Variants in KIRREL3 observed in about 807,000 individuals in gnomAD.
KIRREL3 encodes kin of IRRE-like protein 3.
Under a neutral mutation model 89.7 loss-of-function variants are expected in KIRREL3, and 36 were observed. That is an observed-to-expected ratio of 0.40 (90% CI 0.31 to 0.53). The LOEUF is 0.53. KIRREL3 is among the 20% of genes least tolerant of loss of function. KIRREL3 has a pLI of 0.49. For missense variants in KIRREL3, 864 were observed against 1,056.6 expected (o/e 0.82, Z 2.53); for synonymous variants, 445 against 441.4 (o/e 1.01, Z -0.10).
At chr11:126,941,803 G>A (rs1245704848) in intron 1 of KIRREL3, among the ~76,000 whole-genome samples, 1 of 152,226 alleles carries the variant, frequency 6.6e-6, no homozygotes, top group African/African-American at 2.4e-5. Context: ...ATCTATCTCA[G>A]TGTAACTAAC....
rs973651987 is a variant in KIRREL3 at position 126,904,404 on chromosome 11, G to T, written c.55+96051C>A. Reference sequence around the variant, plus strand: ...TTTACTGCATCTCTGACTGCAATAAGACTGATCACTAGTGGGGATAGTGCA... The same window carrying T: ...TTTACTGCATCTCTGACTGCAATAATACTGATCACTAGTGGGGATAGTGCA... On this transcript the variant is annotated intron_variant, in intron 1 of 16. Transcript: ENST00000525144. The surrounding 1 kb of genome is among the most constrained non-coding windows in gnomAD (Gnocchi z 4.4). 3.3e-5 allele frequency among the ~76,000 whole-genome samples: 5 copies of T among 152,168 alleles called. No individual in the cohort carries two copies. The highest frequency in any genetic ancestry group is 1.2e-4 in the African/African-American group (5 of 41,448).
Position 126,576,856 on chromosome 11 carries a change from G to A in KIRREL3, c.56-13944C>T, listed in dbSNP as rs1291736851. ...GAATGCAGAAGGAAGGACAAGAGAT[G>A]AGCCTTTACTGAGATGCTGCTATCT... On this transcript the variant is annotated intron_variant, in intron 1 of 16. Transcript: ENST00000525144. This position sits in a 1 kb window ranked among gnomAD's most constrained non-coding sequence, Gnocchi z 5.4. Among the ~76,000 whole-genome samples the A allele has an allele frequency of 1.3e-5, 2 of 152,214 alleles. No homozygotes were observed. The highest frequency in any genetic ancestry group is 2.4e-5 in the African/African-American group (1 of 41,460).
chr11:126,783,980 C>T lies in KIRREL3; in HGVS notation c.55+216475G>A, dbSNP rs996614588. 1.3e-5 allele frequency among the ~76,000 whole-genome samples: 2 copies of T among 152,272 alleles called. No homozygotes were observed. The highest frequency in any genetic ancestry group is 2.9e-5 in the Non-Finnish European group (2 of 68,018). ...TGTCTTTGTGGTCTTCCCCCTCGAC[C>T]TCAGTGTAATCTTGAAAAGAGCATC... On this transcript the variant is annotated intron_variant, in intron 1 of 16. Coordinates refer to ENST00000525144, the MANE Select transcript of KIRREL3 (RefSeq NM_032531.4). The surrounding 1 kb of genome is among the most constrained non-coding windows in gnomAD (Gnocchi z 4.3).
Position 126,703,079 on chromosome 11 carries a change from G to C in KIRREL3, c.56-140167C>G, listed in dbSNP as rs1333216763. 6.6e-6 allele frequency among the ~76,000 whole-genome samples: 1 copy of C among 152,236 alleles called. No homozygotes were observed. The highest frequency in any genetic ancestry group is 2.4e-5 in the African/African-American group (1 of 41,460). On this transcript the variant is annotated intron_variant, in intron 1 of 16. Coordinates refer to ENST00000525144, the MANE Select transcript of KIRREL3 (RefSeq NM_032531.4). The surrounding 1 kb of genome is among the most constrained non-coding windows in gnomAD (Gnocchi z 4.6). ...ACCTAAATGAGAAGGGTGAGTAGTA[G>C]ATGGCGTATTCTCTGGGCTGTGAAT...
chr11:126,509,689 C>T (rs1238151239), intron 4 of KIRREL3, among the ~76,000 whole-genome samples: 3 of 152,208 alleles, frequency 2.0e-5, no homozygotes, highest in Admixed American at 6.5e-5. Context: ...CACAGAGGCA[C>T]CAACATATCT....
At position 126,612,688 on chromosome 11, in the gene KIRREL3, C is replaced by T. The variant is rs1185945372; in HGVS notation, c.56-49776G>A. On this transcript the variant is annotated intron_variant, in intron 1 of 16. Transcript: ENST00000525144. This position sits in a 1 kb window ranked among gnomAD's most constrained non-coding sequence, Gnocchi z 4.5. Reference sequence around the variant, plus strand: ...TTCTGTCCCCGTCGGTAGCCATTAACCCACTTTCTGCCTCTGTGGATTTAC... The same window carrying T: ...TTCTGTCCCCGTCGGTAGCCATTAATCCACTTTCTGCCTCTGTGGATTTAC... Among the ~76,000 whole-genome samples, 3 of 152,164 alleles carry T rather than the reference C, an allele frequency of 2.0e-5. No individual in the cohort carries two copies. The highest frequency in any genetic ancestry group is 1.5e-5 in the Non-Finnish European group (1 of 68,022).
chr11:126,520,450 G>A lies in KIRREL3; in HGVS notation c.433+865C>T, dbSNP rs1248882978. Among the ~76,000 whole-genome samples the A allele has an allele frequency of 6.6e-6, 1 of 152,222 alleles. No homozygotes were observed. The highest frequency in any genetic ancestry group is 2.4e-5 in the African/African-American group (1 of 41,462). On this transcript the variant is annotated intron_variant, in intron 4 of 16. Transcript: ENST00000525144. The surrounding 1 kb of genome is among the most constrained non-coding windows in gnomAD (Gnocchi z 4.9). ...GGGGTAACAGTCCCTGTCCCACCGAGCAGCGTCAGGAACAGCGGAGGTCAT... is the reference window on the plus strand; with the variant it reads ...GGGGTAACAGTCCCTGTCCCACCGAACAGCGTCAGGAACAGCGGAGGTCAT...
At chr11:126,654,344 T>C (rs967522239) in intron 1 of KIRREL3, among the ~76,000 whole-genome samples, 1 of 151,856 alleles carries the variant, frequency 6.6e-6, no homozygotes, top group African/African-American at 2.4e-5. Flanking sequence ...AAAGTTTTTT[T>C]TTTTTTTTTT....
At chr11:126,721,252 C>T (rs911142512) in intron 1 of KIRREL3, among the ~76,000 whole-genome samples, 4 of 152,174 alleles carry the variant, frequency 2.6e-5, no homozygotes, top group African/African-American at 7.2e-5. Flanking sequence ...ATCATGAGGC[C>T]GGGCATGGTG....
At chr11:126,657,788 G>A (rs867375196) in intron 1 of KIRREL3, among the ~76,000 whole-genome samples, 2 of 152,372 alleles carry the variant, frequency 1.3e-5, no homozygotes, top group East Asian at 3.9e-4. Flanking sequence ...TTCAGTCACT[G>A]TAATGCTTTT....
chr11:126,557,721 G>A lies in KIRREL3; in HGVS notation c.133+5114C>T, dbSNP rs1384997268. On this transcript the variant is annotated intron_variant, in intron 2 of 16. Transcript: ENST00000525144. The surrounding 1 kb of genome is among the most constrained non-coding windows in gnomAD (Gnocchi z 5.6). ...AACTTTAGAGCTGTCGAAGAAATGA[G>A]ATTCTCAACCTCCCAGGGCTCTGAC... 6.6e-6 allele frequency among the ~76,000 whole-genome samples: 1 copy of A among 152,208 alleles called. No individual in the cohort carries two copies. Among genetic ancestry groups the A allele is most frequent in the African/African-American group, 2.4e-5 (1 of 41,454 alleles).
chr11:126,431,199 T>TCTAGTCCAGGTCAACCTCAGC lies in KIRREL3; in HGVS notation c.1696+199_1696+219dup, dbSNP rs1164697736. 6.7e-7 allele frequency: 1 copy of TCTAGTCCAGGTCAACCTCAGC among 1,486,020 alleles called. No homozygotes were observed. Among genetic ancestry groups the TCTAGTCCAGGTCAACCTCAGC allele is most frequent in the East Asian group, 2.5e-5 (1 of 40,310 alleles). The allele number at this position is 1,486,020 out of a possible 1,614,324, so 92.1% of individuals were successfully genotyped here. A position where few individuals can be genotyped will look rare whatever the true frequency, so the allele number is the denominator to read the frequency against. The stretch of plus-strand genomic sequence containing the variant: ...TGGCTGCCCTGCAGATGAAGTTCAG[T>TCTAGTCCAGGTCAACCTCAGC]CTAGTCCAGGTCAACCTCAGCCTAG... On this transcript the variant is annotated intron_variant, in intron 14 of 16. Transcript: ENST00000525144. The surrounding 1 kb of genome is among the most constrained non-coding windows in gnomAD (Gnocchi z 7.1).
Position 126,440,446 on chromosome 11 carries a change from C to T in KIRREL3, c.1353+3G>A, listed in dbSNP as rs1369832856. On this transcript the variant is annotated splice_donor_region_variant and intron_variant, in intron 11 of 16. Transcript: ENST00000525144. Reference sequence around the variant, plus strand: ...CCCCGCCCGCCGTCCCTGGAGCACTCACGATGCGGTCCGGCGGCGGCGTGC... The same window carrying T: ...CCCCGCCCGCCGTCCCTGGAGCACTTACGATGCGGTCCGGCGGCGGCGTGC... 1.3e-6 allele frequency: 2 copies of T among 1,567,220 alleles called. No individual in the cohort carries two copies. Among genetic ancestry groups the T allele is most frequent in the Non-Finnish European group, 1.7e-6 (2 of 1,156,954 alleles).
At chr11:126,674,890 G>A (rs1946118064) in intron 1 of KIRREL3, among the ~76,000 whole-genome samples, 1 of 152,206 alleles carries the variant, frequency 6.6e-6, no homozygotes. Context: ...TGGAGGAGAT[G>A]GCGTAGTGAG....
chr11:126,467,687 G>T (rs1956771513), intron 5 of KIRREL3, among the ~76,000 whole-genome samples: 1 of 151,948 alleles, frequency 6.6e-6, no homozygotes, highest in South Asian at 2.1e-4. Flanking sequence ...GCTGCTTGGG[G>T]CTCCCCATGG....
intron 1 of KIRREL3, among the ~76,000 whole-genome samples, chr11:126,961,676 G>A (rs1265391662): frequency 6.6e-6 from 1 of 152,210 alleles, no homozygotes; most frequent in African/African-American, 2.4e-5. Flanking sequence ...TAGCTAAGAT[G>A]CTTGATAAAT....
chr11:126,807,534 G>A lies in KIRREL3; in HGVS notation c.55+192921C>T, dbSNP rs1244351512. Among the ~76,000 whole-genome samples, 4 of 152,284 alleles carry A rather than the reference G, an allele frequency of 2.6e-5. No individual in the cohort carries two copies. Among genetic ancestry groups the A allele is most frequent in the Admixed American group, 2.6e-4 (4 of 15,304 alleles). The stretch of plus-strand genomic sequence containing the variant: ...GTCACCCCAAATCTCCCAGTGATAT[G>A]TGCACCACGGTAGGGAACACAGGTT... On this transcript the variant is annotated intron_variant, in intron 1 of 16. Transcript: ENST00000525144. This position sits in a 1 kb window ranked among gnomAD's most constrained non-coding sequence, Gnocchi z 4.3.
rs2134866134 is a variant in KIRREL3, at chr11:126,905,185, C to T, written c.55+95270G>A. 6.6e-6 allele frequency among the ~76,000 whole-genome samples: 1 copy of T among 152,172 alleles called. No homozygotes were observed. Among genetic ancestry groups the T allele is most frequent in the South Asian group, 2.1e-4 (1 of 4,816 alleles). On this transcript the variant is annotated intron_variant, in intron 1 of 16. Coordinates refer to ENST00000525144, the MANE Select transcript of KIRREL3 (RefSeq NM_032531.4). This position sits in a 1 kb window ranked among gnomAD's most constrained non-coding sequence, Gnocchi z 5.0. ...AACGGGGCTTGATTCCATGGCTTCC[C>T]TACTTGAAGGCAGGGCTTGGCTTAC...
intron 1 of KIRREL3, among the ~76,000 whole-genome samples, chr11:126,654,584 C>T (rs1315392226): frequency 6.6e-6 from 1 of 152,044 alleles, no homozygotes; most frequent in Non-Finnish European, 1.5e-5. Flanking sequence ...AGATAGATGT[C>T]CTTCCCTCAC....
Sources: gnomAD v4.1 joint callset for allele counts (sites outside exome capture counted in the v4.1 genomes callset) on GRCh38, gnomAD v4.1.1 for gene constraint, Gnocchi (gnomAD v3.1) non-coding constraint, MANE v1.5 for transcripts, NCBI Gene and HGNC (gene_info 2026-07-23, HGNC 2026-07-21) for gene names.